AGBL4: variants seen among roughly 807,000 people sequenced by gnomAD.
AGBL4 encodes AGBL carboxypeptidase 4.
A neutral mutation model predicts 66.4 loss-of-function variants in AGBL4; 58 were observed. The ratio of observed to expected loss-of-function variants is 0.87; its 90% confidence interval spans 0.71 to 1.09. The LOEUF (loss-of-function observed/expected upper bound fraction) is 1.09. AGBL4 is among the 50% of genes least tolerant of loss of function. AGBL4 has a pLI of 0.00. For synonymous variants in AGBL4, 234 were observed against 222.9 expected (o/e 1.05, Z -0.44); for missense variants, 579 against 631.0 (o/e 0.92, Z 0.88).
intron 4 of AGBL4, among the ~76,000 whole-genome samples, chr1:49,163,388 C>T (rs1195275664): frequency 3.9e-5 from 6 of 152,214 alleles, no homozygotes; most frequent in Admixed American, 3.9e-4. Context: ...GTTCAAATGT[C>T]ACCTAACGTT....
At chr1:49,886,340 T>C (rs1173558904) in intron 1 of AGBL4, among the ~76,000 whole-genome samples, 4 of 152,090 alleles carry the variant, frequency 2.6e-5, no homozygotes, top group African/African-American at 7.2e-5. Context: ...ACCTCAAATA[T>C]GTGTGAAAAT....
intron 5 of AGBL4, among the ~76,000 whole-genome samples, chr1:48,897,819 T>C: frequency 6.6e-6 from 1 of 150,940 alleles, no homozygotes; most frequent in Admixed American, 6.6e-5. Context: ...TTTTTTTTTT[T>C]TTTTTTTTTA....
intron 4 of AGBL4, among the ~76,000 whole-genome samples, chr1:49,120,141 T>C (rs1349106381): frequency 1.3e-5 from 2 of 152,320 alleles, no homozygotes. Flanking sequence ...AATTTGCCAG[T>C]CTGTGTCTTT....
chr1:49,870,825 T>C (rs779023676), intron 1 of AGBL4, among the ~76,000 whole-genome samples: 8 of 151,946 alleles, frequency 5.3e-5, no homozygotes, highest in Non-Finnish European at 1.2e-4. Context: ...ATAAAAAAAA[T>C]TAAACAAACA....
At chr1:49,826,961 T>C (rs892219436) in intron 2 of AGBL4, among the ~76,000 whole-genome samples, 4 of 152,220 alleles carry the variant, frequency 2.6e-5, no homozygotes, top group East Asian at 1.9e-4. Context: ...ACTTTGAGGA[T>C]AGATTTCAAT....
intron 5 of AGBL4, among the ~76,000 whole-genome samples, chr1:48,887,186 G>A (rs557899765): frequency 6.6e-6 from 1 of 152,312 alleles, no homozygotes; most frequent in East Asian, 1.9e-4. Flanking sequence ...CTGCAGTGTG[G>A]TGAATATTCC....
chr1:49,837,082 T>C (rs1332243674), intron 2 of AGBL4, among the ~76,000 whole-genome samples: 1 of 152,230 alleles, frequency 6.6e-6, no homozygotes, highest in African/African-American at 2.4e-5. Context: ...GCTCAAGCAC[T>C]GTGCTGGAGG....
intron 3 of AGBL4, among the ~76,000 whole-genome samples, chr1:49,400,454 CTG>C (rs1645060662): frequency 6.6e-6 from 1 of 152,016 alleles, no homozygotes; most frequent in Non-Finnish European, 1.5e-5. Context: ...TGCATTGAAT[CTG>C]TAGATTGCTT....
chr1:49,013,677 T>G (rs1339304104), intron 5 of AGBL4, among the ~76,000 whole-genome samples: 2 of 152,164 alleles, frequency 1.3e-5, no homozygotes. Context: ...TCTGGGTAGT[T>G]CTTGCCCATT....
chr1:49,976,876 A>T (rs1658601684), intron 1 of AGBL4, among the ~76,000 whole-genome samples: 1 of 152,180 alleles, frequency 6.6e-6, no homozygotes, highest in Non-Finnish European at 1.5e-5. Flanking sequence ...CATCCCTCTA[A>T]ATAGTATGTA....
At chr1:48,565,820 C>A (rs1644467961) in intron 11 of AGBL4, among the ~76,000 whole-genome samples, 1 of 152,234 alleles carries the variant, frequency 6.6e-6, no homozygotes, top group Non-Finnish European at 1.5e-5. Context: ...CCGTCTAGGG[C>A]AGTACCTGCC....
chr1:49,674,192 T>C lies in AGBL4; in HGVS notation c.282+23121A>G, dbSNP rs935063070. 2.6e-5 allele frequency among the ~76,000 whole-genome samples: 4 copies of C among 152,206 alleles called. No homozygotes were observed. The East Asian group carries it at 7.7e-4, about 29-fold the overall frequency. ...CTTTTTTAGAACTCTATTTGAAATCTTAGAACACCACCAGCCTTGGAAGGT... is the reference window on the plus strand; with the variant it reads ...CTTTTTTAGAACTCTATTTGAAATCCTAGAACACCACCAGCCTTGGAAGGT... On this transcript the variant is annotated intron_variant, in intron 3 of 13. Transcript: ENST00000371839.
chr1:48,573,209 G>A (rs1163644081), intron 11 of AGBL4, among the ~76,000 whole-genome samples: 1 of 152,100 alleles, frequency 6.6e-6, no homozygotes, highest in Non-Finnish European at 1.5e-5. Context: ...TTGAGTCCAG[G>A]GTGAAACGGT....
At chr1:49,461,751 A>G (rs1646518080) in intron 3 of AGBL4, among the ~76,000 whole-genome samples, 1 of 151,316 alleles carries the variant, frequency 6.6e-6, no homozygotes, top group Non-Finnish European at 1.5e-5. Context: ...TACTTTGCTG[A>G]GAAGGATGGT....
Position 48,634,546 on chromosome 1 carries a change from G to A in AGBL4, c.898C>T (p.His300Tyr). The change falls in exon 9 of 14, where the codon CAT becomes TAT. Residue 300 changes from histidine to tyrosine, a missense_variant. Physicochemically the swap from His to Tyr is moderately conservative, Grantham distance 83. Transcript: ENST00000371839. ...TGTTTCACTCCATGCAGGGTAGGAT[G>A]GACCCATGGAGAGGGATCCAGCCAG... ...RHWLDPSPWV[H>Y]PTLHGVKQLI... The A allele has an allele frequency of 6.2e-7, 1 of 1,607,108 alleles. No individual in the cohort carries two copies. The highest frequency in any genetic ancestry group is 8.5e-7 in the Non-Finnish European group (1 of 1,176,796).
intron 5 of AGBL4, among the ~76,000 whole-genome samples, chr1:48,872,546 A>G (rs938952536): frequency 3.3e-5 from 5 of 152,184 alleles, no homozygotes; most frequent in African/African-American, 1.2e-4. Context: ...CAATATAGAT[A>G]AAGCCTTCTG....
At chr1:48,748,202 C>A (rs1185980560) in intron 6 of AGBL4, among the ~76,000 whole-genome samples, 1 of 152,154 alleles carries the variant, frequency 6.6e-6, no homozygotes, top group Non-Finnish European at 1.5e-5. Flanking sequence ...AGGGAAGATG[C>A]CTCCGGAGCT....
intron 3 of AGBL4, among the ~76,000 whole-genome samples, chr1:49,520,967 C>T (rs1650212617): frequency 1.3e-5 from 2 of 151,896 alleles, no homozygotes; most frequent in African/African-American, 4.8e-5. Flanking sequence ...TGCCATCACA[C>T]CCAACTAATT....
chr1:48,529,840 G>C (rs138930398), downstream of AGBL4, among the ~76,000 whole-genome samples: 55 of 152,224 alleles, frequency 3.6e-4, no homozygotes, highest in Middle Eastern at 3.4e-3. Context: ...CATGTCAAGG[G>C]ATAAATGGGC....
Sources: allele counts gnomAD v4.1 joint callset (sites outside exome capture counted in the v4.1 genomes callset), GRCh38; gene constraint gnomAD v4.1.1; transcripts MANE v1.5; gene names NCBI Gene and HGNC (gene_info 2026-07-23, HGNC 2026-07-21).